Variants in CPQ observed in about 807,000 individuals in gnomAD.
CPQ encodes the protein carboxypeptidase Q.
CPQ carries 37 observed loss-of-function variants against 45.7 expected under a neutral mutation model. That is an observed-to-expected ratio of 0.81 (90% CI 0.62 to 1.07). The LOEUF (loss-of-function observed/expected upper bound fraction) is 1.07. Among genes scored for constraint, CPQ ranks in the 50% least tolerant of loss-of-function variants. The pLI, the probability that CPQ is intolerant of heterozygous loss-of-function variation, is 0.00. For missense variants in CPQ, 537 were observed against 572.9 expected, an observed-to-expected ratio of 0.94 and a Z score of 0.64; for synonymous variants, 186 against 205.8, an observed-to-expected ratio of 0.90 and a Z score of 0.82.
In CPQ at chr8:96,876,887, TCTTTTCTTGTG is replaced by T. The variant is rs1259923616; in HGVS notation, c.642-2910_642-2900del. Among the ~76,000 whole-genome samples, 14 of 152,268 alleles carry T rather than the reference TCTTTTCTTGTG, an allele frequency of 9.2e-5. No homozygotes were observed. The East Asian group carries it at 2.7e-3, about 29-fold the overall frequency. On this transcript the variant is annotated intron_variant, in intron 3 of 7. Transcript: ENST00000220763. The stretch of plus-strand genomic sequence containing the variant: ...ATAAGGGATTTTTGGTCTGTAGTTT[TCTTTTCTTGTG>T]TTGTGATGCCTTTGTCTGGTTTTGA...
chr8:97,012,395 G>C (rs1321452008), intron 5 of CPQ, among the ~76,000 whole-genome samples: 1 of 152,164 alleles, frequency 6.6e-6, no homozygotes, highest in Admixed American at 6.6e-5. Flanking sequence ...AAATGTTGGG[G>C]CATGTTCTTG....
chr8:96,653,338 T>A (rs1815600055), intron 1 of CPQ, among the ~76,000 whole-genome samples: 1 of 152,258 alleles, frequency 6.6e-6, no homozygotes, highest in African/African-American at 2.4e-5. Flanking sequence ...GAGCATTTTT[T>A]AATATATCTG....
chr8:96,705,709 C>T (rs1401789819), intron 1 of CPQ, among the ~76,000 whole-genome samples: 5 of 152,176 alleles, frequency 3.3e-5, no homozygotes, highest in Non-Finnish European at 4.4e-5. Flanking sequence ...TCTATTCCCT[C>T]TCTCTTGACT....
At chr8:96,762,210 G>T (rs1434811464) in intron 1 of CPQ, among the ~76,000 whole-genome samples, 1 of 152,144 alleles carries the variant, frequency 6.6e-6, no homozygotes, top group Non-Finnish European at 1.5e-5. Flanking sequence ...TCCACAGAAA[G>T]TTCATGTTCT....
chr8:96,839,998 C>T (rs1191003134), intron 3 of CPQ, among the ~76,000 whole-genome samples: 1 of 59,244 alleles, frequency 1.7e-5, no homozygotes, highest in Non-Finnish European at 3.5e-5. Flanking sequence ...AGGATTCAAA[C>T]TCAGTCTCTG....
chr8:96,916,687 CT>C (rs1283061092), intron 4 of CPQ, among the ~76,000 whole-genome samples: 1 of 152,038 alleles, frequency 6.6e-6, no homozygotes, highest in Non-Finnish European at 1.5e-5. Flanking sequence ...CCTTAATATC[CT>C]TTTCCTGTTC....
intron 3 of CPQ, among the ~76,000 whole-genome samples, chr8:96,844,321 C>G (rs998898157): frequency 1.3e-5 from 2 of 152,194 alleles, no homozygotes; most frequent in Admixed American, 1.3e-4. Flanking sequence ...CAAGATGACT[C>G]TTAAAGTCCT....
intron 3 of CPQ, among the ~76,000 whole-genome samples, chr8:96,843,687 G>A (rs1811647732): frequency 6.6e-6 from 1 of 152,126 alleles, no homozygotes; most frequent in Non-Finnish European, 1.5e-5. Flanking sequence ...ATAAAGAGCT[G>A]GAAGCAGCAC....
intron 2 of CPQ, among the ~76,000 whole-genome samples, chr8:96,811,540 G>C (rs983990060): frequency 6.6e-6 from 1 of 152,258 alleles, no homozygotes; most frequent in Admixed American, 6.5e-5. Flanking sequence ...GCAGAAGAAA[G>C]TGTGAGAGAT....
intron 2 of CPQ, among the ~76,000 whole-genome samples, chr8:96,826,024 T>C (rs2130841665): frequency 6.6e-6 from 1 of 152,214 alleles, no homozygotes; most frequent in South Asian, 2.1e-4. Context: ...GTGTGTAGAA[T>C]TATTAAAGAG....
intron 7 of CPQ, among the ~76,000 whole-genome samples, chr8:97,126,388 G>A (rs1419366789): frequency 3.3e-5 from 5 of 152,106 alleles, no homozygotes; most frequent in Non-Finnish European, 1.5e-5. Context: ...TGGTTTTAGC[G>A]GTCTTTTTTG....
chr8:96,656,458 T>C (rs1158997027), intron 1 of CPQ, among the ~76,000 whole-genome samples: 2 of 152,196 alleles, frequency 1.3e-5, no homozygotes, highest in Non-Finnish European at 2.9e-5. Context: ...GGCTGCAGGC[T>C]GGACTCTGAG....
chr8:96,916,047 G>C (rs995518874), intron 4 of CPQ, among the ~76,000 whole-genome samples: 13 of 152,192 alleles, frequency 8.5e-5, no homozygotes, highest in African/African-American at 2.9e-4. Flanking sequence ...TCTTAGGAGA[G>C]TTTTCTGAAG....
chr8:96,970,377 C>CT (rs1813645044), intron 5 of CPQ, among the ~76,000 whole-genome samples: 1 of 152,140 alleles, frequency 6.6e-6, no homozygotes, highest in African/African-American at 2.4e-5. Flanking sequence ...AAGCATTGTG[C>CT]TAAGCACTCC....
At chr8:96,709,796 G>A (rs1346180541) in intron 1 of CPQ, among the ~76,000 whole-genome samples, 3 of 152,126 alleles carry the variant, frequency 2.0e-5, no homozygotes, top group African/African-American at 7.2e-5. Flanking sequence ...GTACTTTGTT[G>A]AGGATTTTTG....
chr8:97,138,244 A>G (rs1812097449), intron 7 of CPQ, among the ~76,000 whole-genome samples: 2 of 152,142 alleles, frequency 1.3e-5, no homozygotes, highest in African/African-American at 4.8e-5. Flanking sequence ...CCCAGTGTCA[A>G]CCAAACTGGA....
chr8:96,678,435 A>G (rs116863220), intron 1 of CPQ, among the ~76,000 whole-genome samples: 7,632 of 152,100 alleles, frequency 0.05, 255 homozygotes, highest in Middle Eastern at 0.12. Context: ...AACACCCAAT[A>G]GTGGGATTGC....
intron 2 of CPQ, among the ~76,000 whole-genome samples, chr8:96,830,666 A>T (rs1811444175): frequency 6.6e-6 from 1 of 152,090 alleles, no homozygotes. Flanking sequence ...ACTCTAACCG[A>T]GTCTGATGAC....
intron 6 of CPQ, among the ~76,000 whole-genome samples, chr8:97,056,949 C>T (rs1201971017): frequency 6.6e-6 from 1 of 152,148 alleles, no homozygotes; most frequent in Admixed American, 6.5e-5. Flanking sequence ...TCATAGAACT[C>T]ATCACATTTA....
Sources: gnomAD v4.1 joint callset for allele counts (sites outside exome capture counted in the v4.1 genomes callset) on GRCh38, gnomAD v4.1.1 for gene constraint, MANE v1.5 for transcripts, NCBI Gene and HGNC (gene_info 2026-07-23, HGNC 2026-07-21) for gene names.